Variants in ARHGEF19 observed in about 807,000 individuals in gnomAD.
The protein encoded by ARHGEF19 is Rho guanine nucleotide exchange factor 19, also known as Rho guanine nucleotide exchange factor (GEF) 19.
ARHGEF19 carries 92 observed loss-of-function variants against 87.6 expected under a neutral mutation model. The observed-to-expected ratio is 1.05, with a 90% CI of 0.89 to 1.25. ARHGEF19 has a LOEUF of 1.25. ARHGEF19 is among the 50% of genes most tolerant of loss of function. ARHGEF19 has a pLI of 0.00. For missense variants in ARHGEF19, 1,054 were observed against 1,051.8 expected (o/e 1.00, Z -0.03); for synonymous variants, 438 against 446.2 (o/e 0.98, Z 0.23).
Position 16,207,086 on chromosome 1 carries a change from G to T in ARHGEF19, c.999C>A (p.Ala333=). The T allele has an allele frequency of 6.6e-7, 1 of 1,507,080 alleles. No individual in the cohort carries two copies. 93.4% of individuals were successfully genotyped at this position (1,507,080 alleles called of 1,614,324 possible). The change falls in exon 6 of 16, where the codon GCC becomes GCA. Residue 333 remains alanine, a synonymous_variant. Transcript: ENST00000270747. The surrounding 1 kb of genome is among the most constrained non-coding windows in gnomAD (Gnocchi z 4.0). ...GGAAGGAGCTGCTGGGGGAGAGGTT[G>T]GCCCGCGGCGGCCCCGGCCCCTCCT... ...GAEEGPGPPR[A]NLSPSSSFRA...
In ARHGEF19 at chr1:16,207,433, C is replaced by G. The variant is rs189641003; in HGVS notation, c.874+89G>C. On this transcript the variant is annotated intron_variant, in intron 5 of 15. Coordinates refer to ENST00000270747, the MANE Select transcript of ARHGEF19 (RefSeq NM_153213.5). This position sits in a 1 kb window ranked among gnomAD's most constrained non-coding sequence, Gnocchi z 4.0. ...TCTCCGTTTCTCACTCGATCCCTAC[C>G]TCTCAACTCTCCAAACCCTCTTTTC... is the stretch of plus-strand genomic sequence containing the variant. 1.3e-4 allele frequency: 197 copies of G among 1,527,384 alleles called. No individual in the cohort carries two copies. The East Asian group carries it at 4.4e-3, about 34-fold the overall frequency. 94.6% of individuals were successfully genotyped at this position (1,527,384 alleles called of 1,614,324 possible).
chr1:16,198,575 C>A lies in ARHGEF19; in HGVS notation c.*12G>T. 1 of 1,597,922 alleles carries A rather than the reference C, an allele frequency of 6.3e-7. No individual in the cohort carries two copies. The highest frequency in any genetic ancestry group is 1.1e-5 in the South Asian group (1 of 87,362). ...CAGGCATGGAGGTGGGGTCCTAGGC[C>A]ATGGCTGCCCATCACACAGGAGCCT... On this transcript the variant is annotated 3_prime_UTR_variant, in exon 16 of 16. Transcript: ENST00000270747. This position sits in a 1 kb window ranked among gnomAD's most constrained non-coding sequence, Gnocchi z 4.1.
At position 16,205,712 on chromosome 1, in the gene ARHGEF19, C is replaced by G; in HGVS notation, c.1452-45G>C. 1 of 1,565,000 alleles carries G rather than the reference C, an allele frequency of 6.4e-7. No individual in the cohort carries two copies. The highest frequency in any genetic ancestry group is 1.4e-5 in the African/African-American group (1 of 73,128). On this transcript the variant is annotated intron_variant, in intron 8 of 15. Coordinates refer to ENST00000270747, the MANE Select transcript of ARHGEF19 (RefSeq NM_153213.5). This position sits in a 1 kb window ranked among gnomAD's most constrained non-coding sequence, Gnocchi z 5.8. ...CTGGAATCACAGGTAGGCCTGAATT[C>G]CTGGGATCCACAACCCTGGCCATCC...
rs755453406 is a variant in ARHGEF19 at position 16,199,247 on chromosome 1, G to A, written c.2154C>T (p.Pro718=). 26 of 1,613,784 alleles carry A rather than the reference G, an allele frequency of 1.6e-5. No individual in the cohort carries two copies. The African/African-American group carries it at 3.5e-4, about 22-fold the overall frequency. The change falls in exon 15 of 16, where the codon CCC becomes CCT. Residue 718 remains proline (P), a synonymous_variant. Transcript: ENST00000270747. ...KEVISEGEDC[P]QVQCVRTYKA... is the part of the protein sequence containing the mutation. ...TGTATGTCCTAACACACTGAACCTGGGGGCAATCTGACAGCCCAAGGGAGG... is the reference window on the plus strand; with the variant it reads ...TGTATGTCCTAACACACTGAACCTGAGGGCAATCTGACAGCCCAAGGGAGG...
rs1359470752 is a variant in ARHGEF19, at chr1:16,207,103, G to A, written c.982C>T (p.Pro328Ser). The change falls in exon 6 of 16, where the codon CCG (proline) becomes TCG (serine). Residue 328 changes from proline (P) to serine (S), a missense_variant. Physicochemically the swap from Pro to Ser is moderately conservative, Grantham distance 74. Coordinates refer to ENST00000270747, the MANE Select transcript of ARHGEF19 (RefSeq NM_153213.5). This position sits in a 1 kb window ranked among gnomAD's most constrained non-coding sequence, Gnocchi z 4.0. ...GDEAEGAEEG[P>S]GPPRANLSPS... ...GAGAGGTTGGCCCGCGGCGGCCCCG[G>A]CCCCTCCTCTGCGCCCTCGGCCTCG... 6.6e-7 allele frequency: 1 copy of A among 1,512,696 alleles called. No homozygotes were observed. The highest frequency in any genetic ancestry group is 2.7e-5 in the East Asian group (1 of 36,964). 93.7% of individuals were successfully genotyped at this position (1,512,696 alleles called of 1,614,324 possible). A position where few individuals can be genotyped will look rare whatever the true frequency, so the allele number is the denominator to read the frequency against.
At chr1:16,208,598 C>T (rs1297975919) in intron 2 of ARHGEF19, 45 bp downstream of exon 2, 4 of 1,547,002 alleles carry the variant, frequency 2.6e-6, no homozygotes, top group Middle Eastern at 1.7e-4. Context: ...CCTCCCCTAT[C>T]CCCCTGCCAT....
At position 16,206,176 on chromosome 1, in the gene ARHGEF19, T is replaced by C; in HGVS notation, c.1298+4A>G. The C allele has an allele frequency of 1.3e-6, 2 of 1,592,514 alleles. No homozygotes were observed. The highest frequency in any genetic ancestry group is 2.3e-5 in the East Asian group (1 of 44,340). On this transcript the variant is annotated splice_donor_region_variant and intron_variant, in intron 7 of 15. Transcript: ENST00000270747. The surrounding 1 kb of genome is among the most constrained non-coding windows in gnomAD (Gnocchi z 4.6). ...CCCCGGGCCAGGCCAGACCACTTCT[T>C]CACCTCTCGCTGGTGCTCTTGACCT...
At position 16,205,885 on chromosome 1, in the gene ARHGEF19, G is replaced by T; in HGVS notation, c.1451+46C>A. Reference sequence around the variant, plus strand: ...CAGCCCTCAGTGCCTACACCTGCCTGAGACTCCCTCCACGCCCCCGCCCCT... The same window carrying T: ...CAGCCCTCAGTGCCTACACCTGCCTTAGACTCCCTCCACGCCCCCGCCCCT... On this transcript the variant is annotated intron_variant, in intron 8 of 15. Transcript: ENST00000270747. The surrounding 1 kb of genome is among the most constrained non-coding windows in gnomAD (Gnocchi z 5.8). 1 of 1,565,448 alleles carries T rather than the reference G, an allele frequency of 6.4e-7. No homozygotes were observed. The highest frequency in any genetic ancestry group is 8.7e-7 in the Non-Finnish European group (1 of 1,154,796).
Position 16,207,612 on chromosome 1 carries a change from A to C in ARHGEF19, c.798-14T>G, listed in dbSNP as rs201667230. 51 of 1,613,894 alleles carry C rather than the reference A, an allele frequency of 3.2e-5. No individual in the cohort carries two copies. In the African/African-American group the frequency reaches 5.6e-4, roughly 18 times the overall value. On this transcript the variant is annotated splice_polypyrimidine_tract_variant and intron_variant, in intron 4 of 15. Transcript: ENST00000270747. This position sits in a 1 kb window ranked among gnomAD's most constrained non-coding sequence, Gnocchi z 4.0. ...TGTGTGTCTAGCCTAGGAAAGAGAG[A>C]GCGTCACGGCCCTAGTTCGCCTGCA...
rs1022629804 is a variant in ARHGEF19, at chr1:16,207,568, C to T, written c.828G>A (p.Gly276=). Residue 276 remains glycine, a synonymous_variant, in exon 5 of 16, where the codon GGG becomes GGA. Transcript: ENST00000270747. This position sits in a 1 kb window ranked among gnomAD's most constrained non-coding sequence, Gnocchi z 4.0. ...GGCGCCGCTCGTTGGTGCTCCTGGA[C>T]CCCAAAGGCGGCTCTTCCTGTGTGT... is the stretch of plus-strand genomic sequence containing the variant. ...RLDTQEEPPL[G]SRSTNERRQS... is the part of the protein sequence containing the mutation. 1 of 1,613,918 alleles carries T rather than the reference C, an allele frequency of 6.2e-7. No individual in the cohort carries two copies. Among genetic ancestry groups the T allele is most frequent in the Non-Finnish European group, 8.5e-7 (1 of 1,180,018 alleles).
At position 16,207,309 on chromosome 1, in the gene ARHGEF19, C is replaced by A. The variant is rs2081149249; in HGVS notation, c.875-99G>T. ...AGAGCCCGCGTCACTTAACCTTTGC[C>A]GCGGTTCGGATATCTGGACACAGTG... On this transcript the variant is annotated intron_variant, in intron 5 of 15. Transcript: ENST00000270747. The surrounding 1 kb of genome is among the most constrained non-coding windows in gnomAD (Gnocchi z 4.0). 3 of 1,432,320 alleles carry A rather than the reference C, an allele frequency of 2.1e-6. No individual in the cohort carries two copies. Among genetic ancestry groups the A allele is most frequent in the Non-Finnish European group, 2.7e-6 (3 of 1,092,252 alleles). The allele number at this position is 1,432,320 out of a possible 1,614,324, so 88.7% of individuals were successfully genotyped here.
chr1:16,199,755 T>C (rs951457769), intron 14 of ARHGEF19, among the ~76,000 whole-genome samples: 3 of 152,132 alleles, frequency 2.0e-5, no homozygotes, highest in African/African-American at 4.8e-5. Context: ...AAGTCCTCCC[T>C]AGGCCCTACA....
Position 16,205,443 on chromosome 1 carries a change from C to T in ARHGEF19, c.1582-18G>A, listed in dbSNP as rs761359788. 1 of 1,611,628 alleles carries T rather than the reference C, an allele frequency of 6.2e-7. No homozygotes were observed. Among genetic ancestry groups the T allele is most frequent in the East Asian group, 2.2e-5 (1 of 44,856 alleles). Reference sequence around the variant, plus strand: ...AGGATGTTCTGGAAGGTGGGATCAGCACAATGAGGCAGTCCTCATACTCCC... The same window carrying T: ...AGGATGTTCTGGAAGGTGGGATCAGTACAATGAGGCAGTCCTCATACTCCC... On this transcript the variant is annotated intron_variant, in intron 9 of 15. Transcript: ENST00000270747. The surrounding 1 kb of genome is among the most constrained non-coding windows in gnomAD (Gnocchi z 5.8).
intron 12 of ARHGEF19, among the ~76,000 whole-genome samples, 187 bp downstream of exon 12, chr1:16,204,572 A>G (rs2081107949): frequency 6.6e-6 from 1 of 152,148 alleles, no homozygotes; most frequent in South Asian, 2.1e-4. Flanking sequence ...TCCCTTCTGG[A>G]ACATGGACTT....
chr1:16,208,134 C>T lies in ARHGEF19; in HGVS notation c.504G>A (p.Glu168=). The stretch of plus-strand genomic sequence containing the variant: ...TGGGCTCCTCTGTGCTCAGGGCCTG[C>T]TCTTGCACTACCTGGCCAGGCTCTA... ...VFLEPGQVVQ[E]QALSTEEPRV... Residue 168 remains glutamate, a synonymous_variant, in exon 3 of 16, where the codon GAG becomes GAA. Transcript: ENST00000270747. 1 of 1,613,540 alleles carries T rather than the reference C, an allele frequency of 6.2e-7. No homozygotes were observed. Among genetic ancestry groups the T allele is most frequent in the Non-Finnish European group, 8.5e-7 (1 of 1,179,550 alleles).
In ARHGEF19 at chr1:16,198,838, C is replaced by A; in HGVS notation, c.2252-94G>T. 6.8e-7 allele frequency: 1 copy of A among 1,464,156 alleles called. No homozygotes were observed. Among genetic ancestry groups the A allele is most frequent in the Non-Finnish European group, 9.2e-7 (1 of 1,092,560 alleles). 90.7% of individuals were successfully genotyped at this position (1,464,156 alleles called of 1,614,324 possible). A position where few individuals can be genotyped will look rare whatever the true frequency, so the allele number is the denominator to read the frequency against. On this transcript the variant is annotated intron_variant, in intron 15 of 15. Coordinates refer to ENST00000270747, the MANE Select transcript of ARHGEF19 (RefSeq NM_153213.5). The surrounding 1 kb of genome is among the most constrained non-coding windows in gnomAD (Gnocchi z 4.1). ...ACAGCCCTGATGCAAGCTTTGTCTGCACCCTTGGGGCCAAGGTGACATCAT... is the reference window on the plus strand; with the variant it reads ...ACAGCCCTGATGCAAGCTTTGTCTGAACCCTTGGGGCCAAGGTGACATCAT...
Position 16,207,240 on chromosome 1 carries a change from G to A in ARHGEF19, c.875-30C>T, listed in dbSNP as rs369758651. On this transcript the variant is annotated intron_variant, in intron 5 of 15. Transcript: ENST00000270747. The surrounding 1 kb of genome is among the most constrained non-coding windows in gnomAD (Gnocchi z 4.0). ...GGGAAAGACGGGCGGGGGAGAGCGTGGGGCGCCCGCCAGCCCCTGCCCGGC... is the reference window on the plus strand; with the variant it reads ...GGGAAAGACGGGCGGGGGAGAGCGTAGGGCGCCCGCCAGCCCCTGCCCGGC... The A allele has an allele frequency of 6.8e-7, 1 of 1,476,190 alleles. No homozygotes were observed. The allele number at this position is 1,476,190 out of a possible 1,614,324, so 91.4% of individuals were successfully genotyped here.
chr1:16,206,303 A>C lies in ARHGEF19; in HGVS notation c.1175T>G (p.Ile392Ser). 1 of 1,583,088 alleles carries C rather than the reference A, an allele frequency of 6.3e-7. No individual in the cohort carries two copies. The highest frequency in any genetic ancestry group is 8.6e-7 in the Non-Finnish European group (1 of 1,165,274). The change falls in exon 7 of 16, where the codon ATC (isoleucine) becomes AGC (serine). Residue 392 changes from isoleucine (I) to serine (S), a missense_variant. By Grantham distance (142) the Ile-to-Ser change is moderately radical. Coordinates refer to ENST00000270747, the MANE Select transcript of ARHGEF19 (RefSeq NM_153213.5). This position sits in a 1 kb window ranked among gnomAD's most constrained non-coding sequence, Gnocchi z 4.6. ...FELITSEASY[I>S]HSLSVAVGHF... Reference sequence around the variant, plus strand: ...GCCCACAGCCACCGACAGGCTGTGGATGTAGGAGGCCTCGGAGGTGATCAG... The same window carrying C: ...GCCCACAGCCACCGACAGGCTGTGGCTGTAGGAGGCCTCGGAGGTGATCAG...
chr1:16,208,752 G>A lies in ARHGEF19; in HGVS notation c.303C>T (p.Ser101=), dbSNP rs766834334. The A allele has an allele frequency of 6.2e-7, 1 of 1,612,024 alleles. No homozygotes were observed. The highest frequency in any genetic ancestry group is 8.5e-7 in the Non-Finnish European group (1 of 1,179,356). The change falls in exon 2 of 16, where the codon AGC becomes AGT. Residue 101 remains serine (S), a synonymous_variant. Transcript: ENST00000270747. ...GCTGGGCACCAGGACAGTGTGGCCAGCTGCCAGCCCTGCTGGGCCGCATCC... is the reference window on the plus strand; with the variant it reads ...GCTGGGCACCAGGACAGTGTGGCCAACTGCCAGCCCTGCTGGGCCGCATCC... ...SGGMRPSRAG[S]WPHCPGAQPP...
Sources: gnomAD v4.1 joint callset for allele counts (sites outside exome capture counted in the v4.1 genomes callset) on GRCh38, gnomAD v4.1.1 for gene constraint, Gnocchi (gnomAD v3.1) non-coding constraint, MANE v1.5 for transcripts, NCBI Gene and HGNC (gene_info 2026-07-23, HGNC 2026-07-21) for gene names.